The following SUMF1 variants were observed in gnomAD, a reference collection of about 807,000 sequenced individuals.
SUMF1 encodes the protein formylglycine-generating enzyme.
Under a neutral mutation model 47.6 loss-of-function variants are expected in SUMF1, and 48 were observed. That is an observed-to-expected ratio of 1.01 (90% CI 0.80 to 1.28). The LOEUF is 1.28. Ranked by LOEUF, SUMF1 falls within the 50% of genes most tolerant of loss-of-function variation. The probability of loss-of-function intolerance (pLI) is 0.00; values close to 1 mark genes in which losing one functional copy is unlikely to be tolerated. For synonymous variants in SUMF1, 230 were observed against 192.1 expected (o/e 1.20, Z -1.63); for missense variants, 571 against 485.4 (o/e 1.18, Z -1.66).
chr3:4,368,068 A>C (rs1046895730), intron 8 of SUMF1, among the ~76,000 whole-genome samples: 3 of 152,142 alleles, frequency 2.0e-5, no homozygotes, highest in African/African-American at 7.2e-5. Context: ...AATGGGAGAA[A>C]ATTTTCGCAA....
At chr3:4,163,939 G>A (rs1351950) in intron 8 of SUMF1, among the ~76,000 whole-genome samples, 41,470 of 151,980 alleles carry the variant, frequency 0.27, 5,963 homozygotes, top group Middle Eastern at 0.36. Context: ...CCTGTACTGA[G>A]AATCACCTGT....
At chr3:4,430,620 G>A (rs571478076) in intron 3 of SUMF1, among the ~76,000 whole-genome samples, 138 of 94,040 alleles carry the variant, frequency 1.5e-3, no homozygotes, top group Middle Eastern at 9.8e-3. Flanking sequence ...TACTTGGTGA[G>A]CATCTTCTCT....
At chr3:4,074,184 C>G (rs755838795) in intron 8 of SUMF1, among the ~76,000 whole-genome samples, 14 of 152,144 alleles carry the variant, frequency 9.2e-5, no homozygotes, top group Non-Finnish European at 1.8e-4. Flanking sequence ...GATTAAGAAA[C>G]TCACTCAAAA....
At chr3:4,274,205 T>G (rs1697367752) in intron 8 of SUMF1, among the ~76,000 whole-genome samples, 1 of 152,120 alleles carries the variant, frequency 6.6e-6, no homozygotes, top group Non-Finnish European at 1.5e-5. Flanking sequence ...TCTTCCTCCC[T>G]TCTACACATA....
rs373756968 is a variant in SUMF1, at chr3:4,385,191, T to C, written c.955-8802A>G. 2.0e-5 allele frequency among the ~76,000 whole-genome samples: 3 copies of C among 152,188 alleles called. No individual in the cohort carries two copies. In the East Asian group the frequency reaches 5.8e-4, roughly 29 times the overall value. On this transcript the variant is annotated intron_variant, in intron 7 of 8. Coordinates refer to ENST00000272902, the MANE Select transcript of SUMF1 (RefSeq NM_182760.4). The stretch of plus-strand genomic sequence containing the variant: ...GTGAGCCGCTGTGCCCAGCTGAATG[T>C]TTAGGTTTTAAAGAAAACGTCAAAT...
At chr3:4,158,022 T>C (rs1694493622) in intron 8 of SUMF1, among the ~76,000 whole-genome samples, 1 of 151,608 alleles carries the variant, frequency 6.6e-6, no homozygotes, top group South Asian at 2.1e-4. Context: ...AACTAGTGCC[T>C]TAATTGCTAG....
intron 8 of SUMF1, among the ~76,000 whole-genome samples, chr3:4,222,640 A>G (rs1276736899): frequency 6.6e-6 from 1 of 152,058 alleles, no homozygotes; most frequent in Non-Finnish European, 1.5e-5. Flanking sequence ...TGCACTTCCA[A>G]GGGTTAGAAG....
chr3:4,238,120 T>C (rs149074072), intron 8 of SUMF1, among the ~76,000 whole-genome samples: 2,276 of 152,318 alleles, frequency 0.015, 27 homozygotes, highest in Non-Finnish European at 0.025. Flanking sequence ...TCATCCTTTT[T>C]ATGGCTGCAT....
chr3:4,143,329 A>G (rs1321239296), intron 8 of SUMF1, among the ~76,000 whole-genome samples: 2 of 152,176 alleles, frequency 1.3e-5, no homozygotes, highest in Non-Finnish European at 2.9e-5. Context: ...GGGATAAGTC[A>G]GGTTGCATAG....
intron 4 of SUMF1, among the ~76,000 whole-genome samples, chr3:4,418,439 A>G (rs964526708): frequency 1.3e-5 from 2 of 152,212 alleles, no homozygotes; most frequent in Non-Finnish European, 2.9e-5. Flanking sequence ...AGCTGCTAGG[A>G]GGGCCAGCAG....
chr3:4,043,972 T>TGGCTGCTAACTGTC (rs72433303), intron 9 of SUMF1, among the ~76,000 whole-genome samples: 172 of 152,140 alleles, frequency 1.1e-3, no homozygotes, highest in Non-Finnish European at 1.9e-3. Flanking sequence ...TAGGCACATA[T>TGGCTGCTAACTGTC]TCCAAGGCTG....
At chr3:4,113,151 G>A (rs1372990259) in intron 8 of SUMF1, among the ~76,000 whole-genome samples, 1 of 152,074 alleles carries the variant, frequency 6.6e-6, no homozygotes, top group Non-Finnish European at 1.5e-5. Context: ...TCAAGCCAAG[G>A]TACCTGGGGT....
At chr3:4,378,178 C>T (rs760412287) in intron 7 of SUMF1, among the ~76,000 whole-genome samples, 25 of 152,144 alleles carry the variant, frequency 1.6e-4, no homozygotes, top group Non-Finnish European at 2.9e-4. Context: ...GCCTAGCCTA[C>T]CTTAAACATG....
intron 8 of SUMF1, among the ~76,000 whole-genome samples, chr3:4,175,687 T>C (rs1232024074): frequency 6.6e-6 from 1 of 152,124 alleles, no homozygotes; most frequent in Non-Finnish European, 1.5e-5. Context: ...AGAGAATGAC[T>C]TTGACAGGAT....
chr3:4,374,704 A>C (rs899360579), intron 8 of SUMF1, among the ~76,000 whole-genome samples: 3 of 152,184 alleles, frequency 2.0e-5, no homozygotes, highest in African/African-American at 7.2e-5. Context: ...AGAGAGATTC[A>C]CCTGTTTTCC....
chr3:4,227,586 G>A (rs1696201876), intron 8 of SUMF1, among the ~76,000 whole-genome samples: 1 of 152,032 alleles, frequency 6.6e-6, no homozygotes, highest in Admixed American at 6.6e-5. Context: ...CAAACACAGG[G>A]CTCCACACTC....
At chr3:4,343,102 T>C (rs983238490) in intron 8 of SUMF1, among the ~76,000 whole-genome samples, 1 of 152,228 alleles carries the variant, frequency 6.6e-6, no homozygotes, top group Admixed American at 6.5e-5. Flanking sequence ...CCCCTGCTTC[T>C]AACACAAGCC....
chr3:4,039,179 C>T (rs1056409359), intron 9 of SUMF1, among the ~76,000 whole-genome samples: 1 of 136,458 alleles, frequency 7.3e-6, no homozygotes. Context: ...TCTATAACTT[C>T]CTTCAAGCAT....
intron 8 of SUMF1, among the ~76,000 whole-genome samples, chr3:4,123,381 A>G (rs1693588067): frequency 6.6e-6 from 1 of 152,162 alleles, no homozygotes. Context: ...CACTTAACAA[A>G]TATTGATGGA....
Sources: allele counts gnomAD v4.1 joint callset (sites outside exome capture counted in the v4.1 genomes callset), GRCh38; gene constraint gnomAD v4.1.1; transcripts MANE v1.5; gene names NCBI Gene and HGNC (gene_info 2026-07-23, HGNC 2026-07-21).